Variants in MAP4 observed in about 807,000 individuals in gnomAD.
MAP4 encodes microtubule-associated protein 4.
Under a neutral mutation model 170.2 loss-of-function variants are expected in MAP4, and 76 were observed. The observed-to-expected ratio is 0.45, with a 90% confidence interval of 0.37 to 0.54. The LOEUF is 0.54. Among genes scored for constraint, MAP4 ranks in the 20% least tolerant of loss-of-function variants. The probability of loss-of-function intolerance (pLI) is 0.00; values close to 1 mark genes in which losing one functional copy is unlikely to be tolerated. For synonymous variants in MAP4, 909 were observed against 994.5 expected, an observed-to-expected ratio of 0.91 and a Z score of 1.62; for missense variants, 2,506 against 2,748.0, an observed-to-expected ratio of 0.91 and a Z score of 1.97.
intron 6 of MAP4, 21 bp from the exon 7 acceptor site, chr3:47,917,195 A>T (rs1379633338): frequency 6.3e-7 from 1 of 1,598,290 alleles, no homozygotes; most frequent in South Asian, 1.1e-5. Flanking sequence ...AATTTAGGAC[A>T]CATCATTGTC....
At position 47,909,688 on chromosome 3, in the gene MAP4, C is replaced by A. The variant is rs1171729226; in HGVS notation, c.4733G>T (p.Gly1578Val). The change falls in exon 9 of 21, where the codon GGA becomes GTA. Residue 1578 changes from glycine to valine, a missense_variant. By Grantham distance (109) the Gly-to-Val change is moderately radical. This residue lies in a region of MAP4 where 2,008 missense variants were observed against 2,206.0 expected (regional missense o/e 0.91). Transcript: ENST00000683076. The part of the protein sequence containing the change: ...TELAKGHLLP[G>V]VPVEDQSLPG... Reference sequence around the variant, plus strand: ...TAGGCTCTGGTCTTCTACTGGCACTCCAGGAAGGAGGTGACCTTTTGCTAG... The same window carrying A: ...TAGGCTCTGGTCTTCTACTGGCACTACAGGAAGGAGGTGACCTTTTGCTAG... The A allele has an allele frequency of 1.9e-6, 3 of 1,613,844 alleles. No homozygotes were observed. The highest frequency in any genetic ancestry group is 2.7e-5 in the African/African-American group (2 of 74,920).
intron 1 of MAP4, among the ~76,000 whole-genome samples, chr3:48,010,563 T>C (rs372261095): frequency 5.9e-5 from 9 of 152,288 alleles, no homozygotes; most frequent in African/African-American, 2.2e-4. Flanking sequence ...GTCTTTATTT[T>C]AAGATTACAT....
intron 1 of MAP4, among the ~76,000 whole-genome samples, chr3:48,064,567 T>C (rs539594584): frequency 3.3e-5 from 5 of 152,280 alleles, no homozygotes; most frequent in African/African-American, 9.6e-5. Context: ...TCTACTGTAA[T>C]TCCCATCTTG....
intron 2 of MAP4, among the ~76,000 whole-genome samples, chr3:47,980,455 A>G (rs1433571159): frequency 6.6e-6 from 1 of 152,220 alleles, no homozygotes. Context: ...GACCACAAAC[A>G]TGCTGTCCAA....
Position 47,916,884 on chromosome 3 carries a change from C to T in MAP4, c.943G>A (p.Ala315Thr). ...DMELPTEKEV[A>T]LVKDVRWPTE... is the part of the protein sequence containing the mutation. ...GGCCATCTGACATCCTTAACCAGGG[C>T]CACTTCTTTTTCTGTGGGTAGTTCC... The change falls in exon 7 of 21, where the codon GCC becomes ACC. Residue 315 changes from alanine (A) to threonine (T), a missense_variant. Coordinates refer to ENST00000683076, the MANE Select transcript of MAP4 (RefSeq NM_001385682.1). 1 of 1,614,232 alleles carries T rather than the reference C, an allele frequency of 6.2e-7. No homozygotes were observed. Among genetic ancestry groups the T allele is most frequent in the East Asian group, 2.2e-5 (1 of 44,884 alleles).
At chr3:47,985,582 A>G (rs2100088180) in intron 2 of MAP4, among the ~76,000 whole-genome samples, 1 of 152,248 alleles carries the variant, frequency 6.6e-6, no homozygotes, top group Non-Finnish European at 1.5e-5. Context: ...CTTAGGACAC[A>G]TCATATTTAC....
chr3:47,861,245 A>C (rs1377485147), intron 17 of MAP4, among the ~76,000 whole-genome samples: 1 of 152,014 alleles, frequency 6.6e-6, no homozygotes, highest in Admixed American at 6.6e-5. Context: ...CTGTAGTCCC[A>C]GTTACTCGGG....
intron 1 of MAP4, among the ~76,000 whole-genome samples, chr3:48,061,241 G>A (rs937262831): frequency 3.5e-5 from 5 of 141,388 alleles, no homozygotes; most frequent in Non-Finnish European, 7.5e-5. Context: ...CTCTGATGCC[G>A]AGCCGAAGCT....
At position 47,914,863 on chromosome 3, in the gene MAP4, C is replaced by T. The variant is rs2100037806; in HGVS notation, c.1953G>A (p.Arg651=). 1 of 1,614,140 alleles carries T rather than the reference C, an allele frequency of 6.2e-7. No individual in the cohort carries two copies. Among genetic ancestry groups the T allele is most frequent in the Non-Finnish European group, 8.5e-7 (1 of 1,180,032 alleles). Residue 651 remains arginine (R), a synonymous_variant, in exon 8 of 21, where the codon AGG becomes AGA. Coordinates refer to ENST00000683076, the MANE Select transcript of MAP4 (RefSeq NM_001385682.1). ...CAGAAGGTTGACTGTTGCATGGTTTCCTTTCCCCTAGTTTTTCTAACACAG... is the reference window on the plus strand; with the variant it reads ...CAGAAGGTTGACTGTTGCATGGTTTTCTTTCCCCTAGTTTTTCTAACACAG... ...EDSVLEKLGE[R]KPCNSQPSEL...
At chr3:48,014,584 A>C (rs888291325) in intron 1 of MAP4, among the ~76,000 whole-genome samples, 5 of 152,216 alleles carry the variant, frequency 3.3e-5, no homozygotes, top group African/African-American at 1.2e-4. Context: ...GATTGAGCCC[A>C]GGAGGTTGAG....
At chr3:47,949,579 C>T (rs533949804) in intron 3 of MAP4, among the ~76,000 whole-genome samples, 2 of 151,970 alleles carry the variant, frequency 1.3e-5, no homozygotes, top group South Asian at 2.1e-4. Context: ...AGGTATCCTG[C>T]TCTACTTATG....
At chr3:47,955,593 C>G (rs2100067372) in intron 3 of MAP4, among the ~76,000 whole-genome samples, 1 of 152,056 alleles carries the variant, frequency 6.6e-6, no homozygotes, top group Non-Finnish European at 1.5e-5. Flanking sequence ...ATAAACCCTA[C>G]AAAAATTCAG....
intron 1 of MAP4, among the ~76,000 whole-genome samples, chr3:48,049,399 C>A (rs1416886529): frequency 6.6e-6 from 1 of 151,912 alleles, no homozygotes; most frequent in Non-Finnish European, 1.5e-5. Context: ...GCAGGAGGAT[C>A]GTTTGAGCCT....
intron 1 of MAP4, among the ~76,000 whole-genome samples, chr3:48,034,890 G>A (rs2100117999): frequency 6.6e-6 from 1 of 152,012 alleles, no homozygotes; most frequent in Non-Finnish European, 1.5e-5. Flanking sequence ...GCACATGCCT[G>A]TAATCCCAGC....
intron 3 of MAP4, among the ~76,000 whole-genome samples, chr3:47,931,127 T>C (rs920541455): frequency 1.3e-5 from 2 of 151,996 alleles, no homozygotes; most frequent in Non-Finnish European, 2.9e-5. Context: ...GTAATCCCAG[T>C]ACTTCGGGAA....
intron 1 of MAP4, among the ~76,000 whole-genome samples, chr3:48,073,757 A>G (rs533833673): frequency 6.6e-6 from 1 of 152,338 alleles, no homozygotes; most frequent in East Asian, 1.9e-4. Flanking sequence ...AAAGGAATAA[A>G]ATACTAAGGA....
intron 7 of MAP4, 114 bp downstream of exon 7, chr3:47,915,837 C>T (rs1193121868): frequency 2.4e-6 from 3 of 1,240,156 alleles, no homozygotes; most frequent in Admixed American, 4.8e-5. Context: ...TATGAATAAA[C>T]TTGCAAAGTA....
At chr3:48,036,433 C>T (rs1298063235) in intron 1 of MAP4, among the ~76,000 whole-genome samples, 1 of 152,136 alleles carries the variant, frequency 6.6e-6, no homozygotes, top group Non-Finnish European at 1.5e-5. Flanking sequence ...AACTTTATGC[C>T]TCCTGTTTTT....
intron 3 of MAP4, among the ~76,000 whole-genome samples, chr3:47,943,332 C>G (rs1391946037): frequency 6.6e-6 from 1 of 152,110 alleles, no homozygotes; most frequent in African/African-American, 2.4e-5. Context: ...ATATTTTAGG[C>G]CAGATGCGGT....
Sources: gnomAD v4.1 joint callset for allele counts (sites outside exome capture counted in the v4.1 genomes callset) on GRCh38, gnomAD v4.1.1 for gene constraint, gnomAD v4.1.1 regional missense constraint, MANE v1.5 for transcripts, NCBI Gene and HGNC (gene_info 2026-07-23, HGNC 2026-07-21) for gene names.